PKP1: variants seen among roughly 807,000 people sequenced by gnomAD.
PKP1 encodes the protein plakophilin 1.
PKP1 carries 27 observed loss-of-function variants against 76.4 expected under a neutral mutation model. That is an observed-to-expected ratio of 0.35 (90% CI 0.26 to 0.49). The LOEUF (loss-of-function observed/expected upper bound fraction) is 0.49, where lower values mean the gene tolerates loss of function less well. Ranked by LOEUF, PKP1 falls within the 20% of genes least tolerant of loss-of-function variation. The pLI, the probability that PKP1 is intolerant of heterozygous loss-of-function variation, is 0.99. For synonymous variants in PKP1, 404 were observed against 384.2 expected, an observed-to-expected ratio of 1.05 and a Z score of -0.60; for missense variants, 964 against 955.2, an observed-to-expected ratio of 1.01 and a Z score of -0.12.
chr1:201,308,136 C>T (rs56712261), intron 2 of PKP1, among the ~76,000 whole-genome samples: 1 of 152,258 alleles, frequency 6.6e-6, no homozygotes, highest in African/African-American at 2.4e-5. Context: ...AGCTGCTTTG[C>T]TCAGGTCAAG....
At chr1:201,327,323 AG>A (rs1163128227) in intron 12 of PKP1, among the ~76,000 whole-genome samples, 1 of 152,146 alleles carries the variant, frequency 6.6e-6, no homozygotes, top group Non-Finnish European at 1.5e-5. Context: ...GGCAGAAGGA[AG>A]CCCAGCTCTT....
At chr1:201,289,391 A>T (rs832174) in intron 1 of PKP1, among the ~76,000 whole-genome samples, 100,612 of 152,158 alleles carry the variant, frequency 0.66, 36,332 homozygotes, top group East Asian at 0.91. Context: ...TTTATTCAAA[A>T]GTAGAATATG....
At chr1:201,295,266 T>G (rs911520223) in intron 2 of PKP1, among the ~76,000 whole-genome samples, 37 of 152,190 alleles carry the variant, frequency 2.4e-4, no homozygotes, top group Admixed American at 8.5e-4. Flanking sequence ...TGAGTTCTTT[T>G]GGGGGCTAAT....
chr1:201,307,571 A>G (rs1359734923), intron 2 of PKP1, among the ~76,000 whole-genome samples: 1 of 152,082 alleles, frequency 6.6e-6, no homozygotes, highest in East Asian at 1.9e-4. Flanking sequence ...CCAAACCCCT[A>G]GAGAGGGTAG....
intron 2 of PKP1, among the ~76,000 whole-genome samples, chr1:201,302,612 C>G (rs1410990620): frequency 6.6e-6 from 1 of 152,198 alleles, no homozygotes; most frequent in African/African-American, 2.4e-5. Flanking sequence ...CCCCCAGGGC[C>G]CTGGCATGTC....
intron 12 of PKP1, among the ~76,000 whole-genome samples, 196 bp downstream of exon 12, chr1:201,326,034 G>A (rs1397559942): frequency 2.6e-5 from 4 of 152,180 alleles, no homozygotes; most frequent in African/African-American, 9.7e-5. Context: ...TGAGATCTGC[G>A]AGGGATGCTG....
Position 201,325,020 on chromosome 1 carries a change from C to T in PKP1, c.1914C>T (p.Ser638=), listed in dbSNP as rs1258320654. ...CCAGCAACTCCGAAGACATCTTGTCCTCGGCCTGCTACACTGTGAGGAACC... is the reference window on the plus strand; with the variant it reads ...CCAGCAACTCCGAAGACATCTTGTCTTCGGCCTGCTACACTGTGAGGAACC... ...GNTSNSEDIL[S]SACYTVRNLM... is the part of the protein sequence containing the mutation. Residue 638 remains serine, a synonymous_variant, in exon 11 of 14, where the codon TCC becomes TCT. Transcript: ENST00000367324. 2 of 1,613,834 alleles carry T rather than the reference C, an allele frequency of 1.2e-6. No individual in the cohort carries two copies. The highest frequency in any genetic ancestry group is 1.7e-6 in the Non-Finnish European group (2 of 1,179,952).
intron 2 of PKP1, 29 bp downstream of exon 2, chr1:201,294,074 C>G (rs1275458628): frequency 6.9e-7 from 1 of 1,445,710 alleles, no homozygotes; most frequent in South Asian, 1.2e-5. Flanking sequence ...CCTAAAAGAC[C>G]TGGAGTACTT....
intron 2 of PKP1, among the ~76,000 whole-genome samples, chr1:201,297,371 A>G (rs1309863241): frequency 2.6e-5 from 4 of 152,244 alleles, no homozygotes; most frequent in Admixed American, 6.5e-5. Flanking sequence ...AGGGAGAGGA[A>G]GCAGCTGGTG....
rs368209649 is a variant in PKP1 at position 201,313,626 on chromosome 1, C to G, written c.701+66C>G. ...GTGGGGAGACACACCCTTAGCCTGA[C>G]TGCACCCTGCAAAGGGCTCCTGGGA... is the stretch of plus-strand genomic sequence containing the variant. On this transcript the variant is annotated intron_variant, in intron 3 of 13. Transcript: ENST00000367324. 1.2e-3 allele frequency: 1,853 copies of G among 1,514,648 alleles called. 9 individuals are homozygous for G. The highest frequency in any genetic ancestry group is 8.4e-3 in the Middle Eastern group (37 of 4,412). 93.8% of individuals were successfully genotyped at this position (1,514,648 alleles called of 1,614,324 possible).
chr1:201,293,704 G>A (rs1024667597), intron 1 of PKP1, among the ~76,000 whole-genome samples: 4 of 152,194 alleles, frequency 2.6e-5, no homozygotes, highest in Admixed American at 2.0e-4. Context: ...CCAGGAAGGG[G>A]ACAGATGAGA....
At chr1:201,287,935 T>A (rs973574293) in intron 1 of PKP1, among the ~76,000 whole-genome samples, 2 of 152,234 alleles carry the variant, frequency 1.3e-5, no homozygotes, top group Non-Finnish European at 2.9e-5. Flanking sequence ...GCTGGACACA[T>A]GCGCACACAT....
chr1:201,327,913 G>T (rs1326325712), intron 12 of PKP1, among the ~76,000 whole-genome samples: 3 of 152,188 alleles, frequency 2.0e-5, no homozygotes, highest in Non-Finnish European at 2.9e-5. Flanking sequence ...CAGGGCATGA[G>T]CCATGCTCGA....
chr1:201,319,766 C>T (rs369654264), intron 6 of PKP1: 3 of 1,596,702 alleles, frequency 1.9e-6, no homozygotes, highest in East Asian at 4.5e-5. Context: ...CCGGCCACCC[C>T]CAGATCCACT....
At chr1:201,319,999 C>T (rs978067527) in intron 6 of PKP1, 19 of 1,110,560 alleles carry the variant, frequency 1.7e-5, no homozygotes, top group Non-Finnish European at 2.6e-5. Flanking sequence ...TCATTTCAGC[C>T]TCAGCCAGGG....
intron 2 of PKP1, among the ~76,000 whole-genome samples, chr1:201,310,932 G>A (rs1656529663): frequency 6.6e-6 from 1 of 152,234 alleles, no homozygotes; most frequent in African/African-American, 2.4e-5. Flanking sequence ...AAGGCTGCCA[G>A]CTGCTCCTTT....
intron 2 of PKP1, among the ~76,000 whole-genome samples, chr1:201,294,796 T>A (rs1426694939): frequency 5.3e-5 from 8 of 152,214 alleles, no homozygotes; most frequent in Non-Finnish European, 1.5e-5. Flanking sequence ...CTATACTTCA[T>A]CTATCCATTT....
intron 1 of PKP1, among the ~76,000 whole-genome samples, chr1:201,292,844 C>T (rs973770488): frequency 1.3e-5 from 2 of 152,304 alleles, no homozygotes; most frequent in African/African-American, 2.4e-5. Context: ...GGCCAGGCCA[C>T]GGAGCCATGG....
intron 2 of PKP1, among the ~76,000 whole-genome samples, chr1:201,311,146 T>C (rs2102171228): frequency 6.6e-6 from 1 of 152,368 alleles, no homozygotes; most frequent in East Asian, 1.9e-4. Context: ...CCTTTGGCAA[T>C]GCTGGGCTTC....
Sources: gnomAD v4.1 joint callset for allele counts (sites outside exome capture counted in the v4.1 genomes callset) on GRCh38, gnomAD v4.1.1 for gene constraint, MANE v1.5 for transcripts, NCBI Gene and HGNC (gene_info 2026-07-23, HGNC 2026-07-21) for gene names.